The following GASK1A variants were observed in gnomAD, a reference collection of about 807,000 sequenced individuals.
GASK1A encodes the protein golgi associated kinase 1A.
Under a neutral mutation model 41.2 loss-of-function variants are expected in GASK1A, and 40 were observed. That is an observed-to-expected ratio of 0.97 (90% CI 0.75 to 1.27). The LOEUF is 1.27. Among genes scored for constraint, GASK1A ranks in the 50% most tolerant of loss-of-function variants. GASK1A has a pLI of 0.00. For synonymous variants in GASK1A, 316 were observed against 307.1 expected (o/e 1.03, Z -0.30); for missense variants, 678 against 745.1 (o/e 0.91, Z 1.05).
chr3:43,011,881 G>A (rs1336424589), intron 1 of GASK1A, among the ~76,000 whole-genome samples: 1 of 151,836 alleles, frequency 6.6e-6, no homozygotes, highest in Non-Finnish European at 1.5e-5. Flanking sequence ...AAGGGGCTGT[G>A]TGAAGTCATA....
intron 1 of GASK1A, among the ~76,000 whole-genome samples, chr3:43,002,406 T>A (rs1185258365): frequency 6.6e-6 from 1 of 152,240 alleles, no homozygotes; most frequent in Non-Finnish European, 1.5e-5. Context: ...GACTGTACTG[T>A]ACCACAATTT....
intron 1 of GASK1A, among the ~76,000 whole-genome samples, chr3:42,994,041 A>T (rs1254527343): frequency 6.6e-6 from 1 of 152,074 alleles, no homozygotes; most frequent in Non-Finnish European, 1.5e-5. Context: ...AATATGAAGG[A>T]CTCCCAGGTG....
intron 1 of GASK1A, among the ~76,000 whole-genome samples, chr3:42,990,120 G>T (rs2089332137): frequency 6.6e-6 from 1 of 151,476 alleles, no homozygotes; most frequent in Non-Finnish European, 1.5e-5. Flanking sequence ...CTTGGTTCAG[G>T]AGTTCAAGAC....
Position 43,048,833 on chromosome 3 carries a change from T to C in GASK1A, c.1291-4688T>C, listed in dbSNP as rs367789354. Among the ~76,000 whole-genome samples the C allele has an allele frequency of 3.8e-3, 580 of 152,240 alleles. 2 individuals are homozygous for C. The highest frequency in any genetic ancestry group is 6.1e-3 in the Non-Finnish European group (417 of 68,020). ...GCCCTAGGTTCATGGATGGAGAGCA[T>C]CAAAAGCATCTACCATAGTTTCAGA... is the stretch of plus-strand genomic sequence containing the variant. On this transcript the variant is annotated intron_variant, in intron 2 of 4. Coordinates refer to ENST00000430121, the MANE Select transcript of GASK1A (RefSeq NM_001129908.3).
chr3:42,982,169 A>T (rs2089285770), intron 1 of GASK1A, among the ~76,000 whole-genome samples: 1 of 152,174 alleles, frequency 6.6e-6, no homozygotes, highest in Non-Finnish European at 1.5e-5. Context: ...TAAAGCGAAG[A>T]TTGGAACACT....
At chr3:43,031,150 G>C (rs1370645720) in intron 1 of GASK1A, among the ~76,000 whole-genome samples, 1 of 152,216 alleles carries the variant, frequency 6.6e-6, no homozygotes, top group East Asian at 1.9e-4. Flanking sequence ...GAGTTTTTTT[G>C]TGATTTGGAC....
Position 43,032,488 on chromosome 3 carries a change from G to A in GASK1A, c.225G>A (p.Met75Ile). The change falls in exon 2 of 5, where the codon ATG becomes ATA. Residue 75 changes from methionine (M) to isoleucine (I), a missense_variant. Coordinates refer to ENST00000430121, the MANE Select transcript of GASK1A (RefSeq NM_001129908.3). ...SSSRRQRARN[M>I]GFWRSRALPR... ...GCCGGAGGCAGCGGGCAAGAAACAT[G>A]GGCTTCTGGAGAAGCCGTGCTTTGC... The A allele has an allele frequency of 6.4e-7, 1 of 1,550,774 alleles. No individual in the cohort carries two copies. Among genetic ancestry groups the A allele is most frequent in the Non-Finnish European group, 8.7e-7 (1 of 1,146,242 alleles).
chr3:43,045,138 C>G (rs2089656123), intron 2 of GASK1A, among the ~76,000 whole-genome samples: 1 of 152,176 alleles, frequency 6.6e-6, no homozygotes, highest in African/African-American at 2.4e-5. Context: ...TGCTCTGCTG[C>G]TTGAGATAAT....
chr3:43,050,034 G>A (rs1304120512), intron 2 of GASK1A, among the ~76,000 whole-genome samples: 2 of 136,148 alleles, frequency 1.5e-5, no homozygotes, highest in East Asian at 4.2e-4. Flanking sequence ...TTAAATCAGA[G>A]GGGAAAAAAA....
intron 2 of GASK1A, among the ~76,000 whole-genome samples, chr3:43,038,580 G>A (rs777227760): frequency 3.8e-4 from 46 of 122,056 alleles, no homozygotes; most frequent in African/African-American, 1.2e-3. Flanking sequence ...GAAATTCTGC[G>A]AAAAAAAACT....
chr3:43,048,493 G>A (rs1391369304), intron 2 of GASK1A, among the ~76,000 whole-genome samples: 2 of 152,170 alleles, frequency 1.3e-5, no homozygotes, highest in East Asian at 1.9e-4. Flanking sequence ...AGCAAATGGG[G>A]AAGTGAAGCA....
At chr3:43,031,940 C>T (rs187023182) in intron 1 of GASK1A, among the ~76,000 whole-genome samples, 14 of 152,288 alleles carry the variant, frequency 9.2e-5, no homozygotes, top group East Asian at 3.9e-4. Context: ...TGGGGACAGA[C>T]GTGAGAAAAG....
chr3:43,045,340 G>A (rs1404809688), intron 2 of GASK1A, among the ~76,000 whole-genome samples: 1 of 152,134 alleles, frequency 6.6e-6, no homozygotes, highest in Non-Finnish European at 1.5e-5. Context: ...CAAAGGCCAT[G>A]AGGGGTTTTA....
At chr3:42,986,319 TA>T (rs2089309209) in intron 1 of GASK1A, among the ~76,000 whole-genome samples, 1 of 151,892 alleles carries the variant, frequency 6.6e-6, no homozygotes, top group Admixed American at 6.6e-5. Context: ...GGGTTAGGGG[TA>T]GAGAGGCTGT....
At chr3:42,996,350 T>A (rs1314876537) in intron 1 of GASK1A, among the ~76,000 whole-genome samples, 1 of 152,226 alleles carries the variant, frequency 6.6e-6, no homozygotes, top group African/African-American at 2.4e-5. Context: ...TCATAGTGTT[T>A]AGTAGAGTGA....
At chr3:43,047,949 A>G (rs989300654) in intron 2 of GASK1A, among the ~76,000 whole-genome samples, 2 of 152,208 alleles carry the variant, frequency 1.3e-5, no homozygotes, top group African/African-American at 4.8e-5. Context: ...TTGGTATAGT[A>G]GCTTACTGGT....
chr3:42,993,834 C>T (rs2089354918), intron 1 of GASK1A, among the ~76,000 whole-genome samples: 1 of 152,242 alleles, frequency 6.6e-6, no homozygotes, highest in South Asian at 2.1e-4. Context: ...GTATTTACAA[C>T]ATATTGTATT....
At chr3:43,001,952 G>C (rs1301638269) in intron 1 of GASK1A, among the ~76,000 whole-genome samples, 1 of 152,130 alleles carries the variant, frequency 6.6e-6, no homozygotes, top group African/African-American at 2.4e-5. Flanking sequence ...GGCTTGCTGG[G>C]CACCCTGCCC....
At chr3:43,037,295 C>T (rs1462084722) in intron 2 of GASK1A, 1 of 877,774 alleles carries the variant, frequency 1.1e-6, no homozygotes, top group Non-Finnish European at 2.0e-6. Context: ...TGAACGGGAC[C>T]CCAGGTGATG....
Sources: gnomAD v4.1 joint callset for allele counts (sites outside exome capture counted in the v4.1 genomes callset) on GRCh38, gnomAD v4.1.1 for gene constraint, MANE v1.5 for transcripts, NCBI Gene and HGNC (gene_info 2026-07-23, HGNC 2026-07-21) for gene names.